KMT2C: variants seen among roughly 807,000 people sequenced by gnomAD.
KMT2C encodes histone-lysine N-methyltransferase 2C.
A neutral mutation model predicts 507.9 loss-of-function variants in KMT2C; 88 were observed. The observed-to-expected ratio is 0.17, with a 90% CI of 0.15 to 0.21. The LOEUF (loss-of-function observed/expected upper bound fraction) is 0.21, where lower values mean the gene tolerates loss of function less well. Among genes scored for constraint, KMT2C ranks in the 10% least tolerant of loss-of-function variants. The pLI, the probability that KMT2C is intolerant of heterozygous loss-of-function variation, is 1.00. For missense variants in KMT2C, 4,954 were observed against 5,957.8 expected, an observed-to-expected ratio of 0.83 and a Z score of 5.55; for synonymous variants, 2,049 against 2,080.8, an observed-to-expected ratio of 0.98 and a Z score of 0.42.
chr7:152,367,022 T>A (rs2097252898), intron 1 of KMT2C: 2 of 598,398 alleles, frequency 3.3e-6, no homozygotes. Flanking sequence ...GAGCCTGGGC[T>A]CTTGCTCTTG....
At chr7:152,226,596 T>C (rs905666217) in intron 18 of KMT2C, among the ~76,000 whole-genome samples, 1 of 152,234 alleles carries the variant, frequency 6.6e-6, no homozygotes, top group East Asian at 1.9e-4. Flanking sequence ...GATTAGCTTA[T>C]TGATTTTTAA....
At chr7:152,326,984 A>C (rs886393389) in intron 3 of KMT2C, among the ~76,000 whole-genome samples, 4 of 152,240 alleles carry the variant, frequency 2.6e-5, no homozygotes, top group Non-Finnish European at 5.9e-5. Context: ...AAGGTCAAAA[A>C]GTCGGAGCTT....
Position 152,368,598 on chromosome 7 carries a change from T to C in KMT2C, c.162-9923A>G, listed in dbSNP as rs1309873748. 8.4e-6 allele frequency: 12 copies of C among 1,427,536 alleles called. No homozygotes were observed. The Admixed American group carries it at 2.0e-4, about 24-fold the overall frequency. The allele number at this position is 1,427,536 out of a possible 1,614,324, so 88.4% of individuals were successfully genotyped here. ...AGGCAAACTGGGAAGCTCAACAACA[T>C]ATTTTAGAACAGAACTCTTCGAGAA... On this transcript the variant is annotated intron_variant, in intron 1 of 58. Coordinates refer to ENST00000262189, the MANE Select transcript of KMT2C (RefSeq NM_170606.3).
chr7:152,221,399 A>C (rs1176052533), intron 22 of KMT2C, among the ~76,000 whole-genome samples: 1 of 152,244 alleles, frequency 6.6e-6, no homozygotes, highest in Non-Finnish European at 1.5e-5. Context: ...ACGTAAGAGA[A>C]GAGAGAATAC....
At chr7:152,313,449 A>T (rs929260916) in intron 4 of KMT2C, among the ~76,000 whole-genome samples, 1 of 152,122 alleles carries the variant, frequency 6.6e-6, no homozygotes, top group South Asian at 2.1e-4. Context: ...GTAAGATATC[A>T]ATGTCAACAC....
At chr7:152,190,577 AT>A (rs1429451533) in intron 31 of KMT2C, among the ~76,000 whole-genome samples, 14 of 152,150 alleles carry the variant, frequency 9.2e-5, no homozygotes, top group African/African-American at 3.4e-4. Context: ...TTCTTATTTT[AT>A]TCAAGAAGTG....
chr7:152,160,473 C>A (rs2092380030), intron 43 of KMT2C, among the ~76,000 whole-genome samples: 1 of 152,092 alleles, frequency 6.6e-6, no homozygotes, highest in Admixed American at 6.5e-5. Flanking sequence ...TCAGGAATCA[C>A]CTGGGGATCT....
At chr7:152,347,039 G>A (rs963845672) in intron 2 of KMT2C, among the ~76,000 whole-genome samples, 18 of 152,256 alleles carry the variant, frequency 1.2e-4, no homozygotes, top group African/African-American at 2.6e-4. Flanking sequence ...CAGGAGAATC[G>A]CTTGAACCCG....
intron 1 of KMT2C, among the ~76,000 whole-genome samples, chr7:152,408,357 C>T (rs1161915470): frequency 5.3e-5 from 8 of 152,088 alleles, no homozygotes; most frequent in African/African-American, 1.9e-4. Flanking sequence ...ATAGTTTATA[C>T]TATACATATG....
chr7:152,141,478 G>A (rs1325061097), intron 55 of KMT2C, among the ~76,000 whole-genome samples: 2 of 151,664 alleles, frequency 1.3e-5, no homozygotes, highest in African/African-American at 4.9e-5. Context: ...GGGAGGCAGA[G>A]GTGGGCGGGT....
At chr7:152,317,178 G>A (rs1312450735) in intron 3 of KMT2C, among the ~76,000 whole-genome samples, 1 of 152,022 alleles carries the variant, frequency 6.6e-6, no homozygotes, top group Non-Finnish European at 1.5e-5. Flanking sequence ...ATTACTCTCT[G>A]GCTTAGAAGA....
intron 43 of KMT2C, among the ~76,000 whole-genome samples, chr7:152,161,679 C>T (rs912646645): frequency 9.2e-5 from 14 of 152,300 alleles, no homozygotes; most frequent in Non-Finnish European, 1.8e-4. Context: ...AACACTGTAA[C>T]CACACAATAG....
chr7:152,370,246 TAA>T (rs545324020), intron 1 of KMT2C, among the ~76,000 whole-genome samples: 343 of 151,178 alleles, frequency 2.3e-3, no homozygotes, highest in Middle Eastern at 0.01. Flanking sequence ...TCCACACACA[TAA>T]GTTTGATATC....
In KMT2C at chr7:152,177,849, A is replaced by G. The variant is rs2129115515; in HGVS notation, c.7604T>C (p.Val2535Ala). 6.2e-7 allele frequency: 1 copy of G among 1,613,828 alleles called. No homozygotes were observed. Among genetic ancestry groups the G allele is most frequent in the African/African-American group, 1.3e-5 (1 of 74,950 alleles). Residue 2535 changes from valine (V) to alanine (A), a missense_variant, in exon 38 of 59, where the codon GTT becomes GCT. Around this residue, in one of 29 missense-constraint regions of KMT2C, gnomAD observed 1,689 missense variants for 1,654.3 expected, o/e 1.02. Transcript: ENST00000262189. ...PLNNSQMNNP[V>A]GLPQHFSPQS... ...TGGTGAAAAATGCTGAGGAAGTCCA[A>G]CTGGATTATTCATTTGTGAGTTATT...
chr7:152,368,600 T>TTTTA, intron 1 of KMT2C: 1 of 1,430,162 alleles, frequency 7.0e-7, no homozygotes, highest in Non-Finnish European at 9.7e-7. Flanking sequence ...CAACAACATA[T>TTTTA]TTTAGAACAG....
Position 152,344,741 on chromosome 7 carries a change from A to G in KMT2C, c.250+13846T>C, listed in dbSNP as rs1458394980. Among the ~76,000 whole-genome samples, 4 of 152,220 alleles carry G rather than the reference A, an allele frequency of 2.6e-5. No individual in the cohort carries two copies. In the East Asian group the frequency reaches 7.7e-4, roughly 29 times the overall value. On this transcript the variant is annotated intron_variant, in intron 2 of 58. Coordinates refer to ENST00000262189, the MANE Select transcript of KMT2C (RefSeq NM_170606.3). ...GGTGGCTCACGCCTGTAATCCCAGC[A>G]CTTTGGGAGGCCGAGGCGGGCAGAT...
intron 23 of KMT2C, among the ~76,000 whole-genome samples, chr7:152,214,497 C>T (rs1356484573): frequency 6.6e-6 from 1 of 152,082 alleles, no homozygotes; most frequent in Non-Finnish European, 1.5e-5. Flanking sequence ...TTCCTTCAAT[C>T]TAATTTTGGC....
intron 6 of KMT2C, among the ~76,000 whole-genome samples, chr7:152,307,853 C>G (rs1167766869): frequency 6.6e-6 from 1 of 152,160 alleles, no homozygotes; most frequent in African/African-American, 2.4e-5. Context: ...TACTAAGTAT[C>G]AAACACTACG....
rs2090431269 is a variant in KMT2C at position 152,140,639 on chromosome 7, A to G, written c.14344-848T>C. Among the ~76,000 whole-genome samples the G allele has an allele frequency of 2.0e-5, 3 of 152,256 alleles. No homozygotes were observed. The South Asian group carries it at 6.2e-4, about 32-fold the overall frequency. On this transcript the variant is annotated intron_variant, in intron 55 of 58. Coordinates refer to ENST00000262189, the MANE Select transcript of KMT2C (RefSeq NM_170606.3). Reference sequence around the variant, plus strand: ...GCAACTGAATCAGAAGTACTAGACTAGAATGCAATTCTAGAATTGAACTGA... The same window carrying G: ...GCAACTGAATCAGAAGTACTAGACTGGAATGCAATTCTAGAATTGAACTGA...
Sources: allele counts gnomAD v4.1 joint callset (sites outside exome capture counted in the v4.1 genomes callset), GRCh38; gene constraint gnomAD v4.1.1; regional missense constraint gnomAD v4.1.1; transcripts MANE v1.5; gene names NCBI Gene and HGNC (gene_info 2026-07-23, HGNC 2026-07-21).